Variants in CTNND2 observed in about 807,000 individuals in gnomAD.
CTNND2 encodes the protein catenin delta-2.
CTNND2 carries 22 observed loss-of-function variants against 144.4 expected under a neutral mutation model. The ratio of observed to expected loss-of-function variants is 0.15; its 90% CI spans 0.11 to 0.22. The LOEUF is 0.22. Ranked by LOEUF, CTNND2 falls within the 10% of genes least tolerant of loss-of-function variation. The probability of loss-of-function intolerance (pLI) is 1.00; values close to 1 mark genes in which losing one functional copy is unlikely to be tolerated. For missense variants in CTNND2, 1,353 were observed against 1,618.8 expected, an observed-to-expected ratio of 0.84 and a Z score of 2.82; for synonymous variants, 751 against 695.6, an observed-to-expected ratio of 1.08 and a Z score of -1.25.
At chr5:11,500,976 G>T (rs888299012) in intron 3 of CTNND2, among the ~76,000 whole-genome samples, 1 of 152,250 alleles carries the variant, frequency 6.6e-6, no homozygotes, top group Middle Eastern at 3.4e-3. Context: ...CTCTTAATTT[G>T]TAATTAATCA....
chr5:11,332,822 A>G (rs1289762851), intron 9 of CTNND2, among the ~76,000 whole-genome samples: 1 of 152,148 alleles, frequency 6.6e-6, no homozygotes, highest in Non-Finnish European at 1.5e-5. Context: ...GTGGTGGGAG[A>G]TAATTGAATT....
intron 9 of CTNND2, among the ~76,000 whole-genome samples, chr5:11,287,486 T>G (rs1041081036): frequency 2.0e-4 from 30 of 152,182 alleles, no homozygotes; most frequent in Non-Finnish European, 4.3e-4. Context: ...TTGGTTGTGT[T>G]TCTTTGGAGA....
chr5:11,778,763 A>C (rs771130090), intron 1 of CTNND2, among the ~76,000 whole-genome samples: 1 of 152,222 alleles, frequency 6.6e-6, no homozygotes, highest in Non-Finnish European at 1.5e-5. Context: ...TGAATGAACT[A>C]CAGGCTACAC....
At chr5:11,482,659 G>A (rs1768394727) in intron 3 of CTNND2, among the ~76,000 whole-genome samples, 1 of 152,122 alleles carries the variant, frequency 6.6e-6, no homozygotes, top group Non-Finnish European at 1.5e-5. Flanking sequence ...GGAGGGGGAT[G>A]TGGTTTTAAA....
intron 9 of CTNND2, among the ~76,000 whole-genome samples, chr5:11,270,189 C>T (rs1407774840): frequency 1.3e-5 from 2 of 152,050 alleles, no homozygotes; most frequent in African/African-American, 2.4e-5. Context: ...ATTTTTATTT[C>T]ACTCACAAAA....
chr5:11,188,478 C>T (rs1466808985), intron 11 of CTNND2, among the ~76,000 whole-genome samples: 2 of 152,114 alleles, frequency 1.3e-5, no homozygotes, highest in African/African-American at 4.8e-5. Flanking sequence ...TGAGGGAGAG[C>T]ATCAGGAAAA....
chr5:11,426,466 T>C (rs1344613077), intron 3 of CTNND2, among the ~76,000 whole-genome samples: 3 of 152,212 alleles, frequency 2.0e-5, no homozygotes, highest in African/African-American at 4.8e-5. Context: ...TTTGAGCTTA[T>C]GTTTTGCGAG....
chr5:11,879,341 G>GTGTA, intron 1 of CTNND2, among the ~76,000 whole-genome samples: 40 of 109,290 alleles, frequency 3.7e-4, no homozygotes, highest in Non-Finnish European at 7.0e-4. Context: ...TTAAATGTGT[G>GTGTA]TATATATATA....
intron 15 of CTNND2, among the ~76,000 whole-genome samples, chr5:11,094,721 C>T (rs1025758665): frequency 6.6e-6 from 1 of 152,160 alleles, no homozygotes; most frequent in African/African-American, 2.4e-5. Flanking sequence ...ACCTCAGCCT[C>T]CCAAAGTGTT....
In CTNND2 at chr5:11,650,607, T is replaced by C. The variant is rs558177515; in HGVS notation, c.174+81529A>G. Among the ~76,000 whole-genome samples the C allele has an allele frequency of 7.2e-5, 11 of 152,262 alleles. No individual in the cohort carries two copies. The South Asian group carries it at 1.5e-3, about 20-fold the overall frequency. On this transcript the variant is annotated intron_variant, in intron 2 of 21. Coordinates refer to ENST00000304623, the MANE Select transcript of CTNND2 (RefSeq NM_001332.4). ...TATATTGTTGTGACCAAAATGATGATAGTGATATGGACAATGAAGTTCAGG... is the reference window on the plus strand; with the variant it reads ...TATATTGTTGTGACCAAAATGATGACAGTGATATGGACAATGAAGTTCAGG...
At chr5:10,989,051 TA>T (rs1217948301) in intron 19 of CTNND2, among the ~76,000 whole-genome samples, 4 of 152,058 alleles carry the variant, frequency 2.6e-5, no homozygotes, top group Non-Finnish European at 5.9e-5. Flanking sequence ...CAGGAGTCCT[TA>T]AAAAACTGGT....
At chr5:11,023,046 T>G (rs1580068017) in intron 16 of CTNND2, 67 bp from the exon 17 acceptor site, 1 of 1,436,474 alleles carries the variant, frequency 7.0e-7, no homozygotes, top group Middle Eastern at 1.8e-4. Flanking sequence ...GTGGCAGAGG[T>G]GGGTATGGGG....
chr5:11,508,045 C>T (rs757565538), intron 3 of CTNND2, among the ~76,000 whole-genome samples: 3 of 151,356 alleles, frequency 2.0e-5, no homozygotes, highest in Non-Finnish European at 4.4e-5. Flanking sequence ...ACATGATTCA[C>T]TATATATTAC....
chr5:11,082,675 T>C, intron 16 of CTNND2, 21 bp downstream of exon 16: 1 of 1,612,064 alleles, frequency 6.2e-7, no homozygotes, highest in Non-Finnish European at 8.5e-7. Flanking sequence ...CTTGAGACAC[T>C]GTGAATCAGG....
At position 11,904,405 on chromosome 5, in the gene CTNND2, T is replaced by G. The variant is rs1711832631; in HGVS notation, c.-552A>C. On this transcript the variant is annotated 5_prime_UTR_variant, in exon 1 of 22. Transcript: ENST00000304623. This position sits in a 1 kb window ranked among gnomAD's most constrained non-coding sequence, Gnocchi z 4.2. ...GCGGCCGGCCCGGGCGCCCGGCTAG[T>G]GAGGGAGCGTCCGCCCCGCCGCCGA... Among the ~76,000 whole-genome samples the G allele has an allele frequency of 6.6e-6, 1 of 151,346 alleles. No individual in the cohort carries two copies. Among genetic ancestry groups the G allele is most frequent in the African/African-American group, 2.4e-5 (1 of 41,254 alleles).
In CTNND2 at chr5:11,639,438, T is replaced by C. The variant is rs111697418; in HGVS notation, c.175-74382A>G. Among the ~76,000 whole-genome samples the C allele has an allele frequency of 5.7e-3, 862 of 152,302 alleles. 6 individuals carry two copies. The highest frequency in any genetic ancestry group is 0.025 in the South Asian group (121 of 4,816). ...GATAGTCCAATTTGAGAAGCACTGA[T>C]TATACAACACTTAGGCAATTCTTAC... On this transcript the variant is annotated intron_variant, in intron 2 of 21. Coordinates refer to ENST00000304623, the MANE Select transcript of CTNND2 (RefSeq NM_001332.4).
At chr5:11,506,486 A>T (rs1253111933) in intron 3 of CTNND2, among the ~76,000 whole-genome samples, 8 of 152,236 alleles carry the variant, frequency 5.3e-5, no homozygotes, top group Non-Finnish European at 1.0e-4. Context: ...AGAGGACAGC[A>T]TGAGGACTAT....
intron 3 of CTNND2, among the ~76,000 whole-genome samples, chr5:11,460,841 A>G (rs1338447876): frequency 6.6e-6 from 1 of 152,046 alleles, no homozygotes; most frequent in Non-Finnish European, 1.5e-5. Flanking sequence ...CATGAGGTCA[A>G]GAAATCAAGA....
At chr5:11,350,558 T>C (rs888935683) in intron 8 of CTNND2, among the ~76,000 whole-genome samples, 3 of 152,144 alleles carry the variant, frequency 2.0e-5, no homozygotes, top group Non-Finnish European at 2.9e-5. Flanking sequence ...GAACTGTCAT[T>C]CCCAAATCCA....
Sources: gnomAD v4.1 joint callset for allele counts (sites outside exome capture counted in the v4.1 genomes callset) on GRCh38, gnomAD v4.1.1 for gene constraint, Gnocchi (gnomAD v3.1) non-coding constraint, MANE v1.5 for transcripts, NCBI Gene and HGNC (gene_info 2026-07-23, HGNC 2026-07-21) for gene names.